The following HYCC1 variants were observed in gnomAD, a reference collection of about 807,000 sequenced individuals.
HYCC1 encodes the protein hyccin PI4KA lipid kinase complex subunit 1, also known as hyccin.
the HYCC1 span, among the ~76,000 whole-genome samples, chr7:23,010,629 TTAAA>T: frequency 2.6e-5 from 4 of 152,184 alleles, no homozygotes; most frequent in Admixed American, 2.0e-4. Flanking sequence ...ATTGTACACT[TTAAA>T]TATATGTAGT....
chr7:22,972,468 A>G, the HYCC1 span, among the ~76,000 whole-genome samples: 1 of 152,184 alleles, frequency 6.6e-6, no homozygotes, highest in South Asian at 2.1e-4. Flanking sequence ...AGAGAATTCA[A>G]CTTAATAGCT....
the HYCC1 span, among the ~76,000 whole-genome samples, chr7:22,921,984 G>GA: frequency 6.6e-6 from 1 of 151,816 alleles, no homozygotes; most frequent in Non-Finnish European, 1.5e-5. Context: ...AGCCTACAGT[G>GA]AAAAAAATCA....
chr7:23,000,348 CA>C, the HYCC1 span, among the ~76,000 whole-genome samples: 1 of 151,730 alleles, frequency 6.6e-6, no homozygotes, highest in Non-Finnish European at 1.5e-5. Context: ...AGATATCAAC[CA>C]AATAATATAT....
chr7:23,003,626 C>G, the HYCC1 span, among the ~76,000 whole-genome samples: 1 of 152,110 alleles, frequency 6.6e-6, no homozygotes. Context: ...AAGTGCTTTC[C>G]TTTTTACAAT....
At chr7:23,013,516 G>A in the HYCC1 span, among the ~76,000 whole-genome samples, 1 of 152,176 alleles carries the variant, frequency 6.6e-6, no homozygotes, top group Non-Finnish European at 1.5e-5. Context: ...AGGGGACGGG[G>A]GGCTCCCGCC....
the HYCC1 span, among the ~76,000 whole-genome samples, chr7:22,921,538 C>A: frequency 7.9e-5 from 12 of 151,486 alleles, no homozygotes; most frequent in Middle Eastern, 3.4e-3. Context: ...AACAATAGCA[C>A]AAAAAAAGGG....
chr7:22,925,048 C>T, the HYCC1 span, among the ~76,000 whole-genome samples: 85 of 152,250 alleles, frequency 5.6e-4, no homozygotes, highest in African/African-American at 1.8e-3. Context: ...CTGCAGCCAC[C>T]GCTGCTGATA....
the HYCC1 span, among the ~76,000 whole-genome samples, chr7:22,997,583 T>C: frequency 6.6e-6 from 1 of 152,208 alleles, no homozygotes; most frequent in Non-Finnish European, 1.5e-5. Flanking sequence ...TGTTACAGAA[T>C]AAAATTAATT....
the HYCC1 span, among the ~76,000 whole-genome samples, chr7:22,989,161 C>T: frequency 1.3e-5 from 2 of 152,084 alleles, no homozygotes; most frequent in African/African-American, 4.8e-5. Context: ...TTTACTTCAT[C>T]ATTAACATAA....
At chr7:22,929,254 G>T in the HYCC1 span, among the ~76,000 whole-genome samples, 1 of 152,084 alleles carries the variant, frequency 6.6e-6, no homozygotes, top group South Asian at 2.1e-4. Flanking sequence ...GAAAACCTAG[G>T]CAATACCATT....
the HYCC1 span, chr7:22,985,672 G>C: frequency 6.6e-6 from 1 of 151,974 alleles, no homozygotes; most frequent in Non-Finnish European, 1.5e-5. Flanking sequence ...TATTTCAAAA[G>C]TATGACACAA....
the HYCC1 span, among the ~76,000 whole-genome samples, chr7:22,978,824 C>T: frequency 1.3e-5 from 2 of 152,112 alleles, no homozygotes; most frequent in Non-Finnish European, 1.5e-5. Flanking sequence ...CCTGGATAAT[C>T]TAAATATTGC....
At chr7:23,005,309 T>C in the HYCC1 span, among the ~76,000 whole-genome samples, 2 of 152,208 alleles carry the variant, frequency 1.3e-5, no homozygotes, top group East Asian at 3.8e-4. Flanking sequence ...GAATGATAGA[T>C]AATAACATCT....
chr7:22,919,860 GA>G, the HYCC1 span, among the ~76,000 whole-genome samples: 1 of 151,178 alleles, frequency 6.6e-6, no homozygotes, highest in South Asian at 2.1e-4. Context: ...TCAGAAGAAG[GA>G]AAAAGAAGAA....
At chr7:23,013,355 A>T in the HYCC1 span, among the ~76,000 whole-genome samples, 1 of 152,168 alleles carries the variant, frequency 6.6e-6, no homozygotes, top group Non-Finnish European at 1.5e-5. Context: ...CCAAAGACCG[A>T]CTCGGGCCAA....
the HYCC1 span, among the ~76,000 whole-genome samples, chr7:22,913,725 T>G: frequency 9.2e-5 from 14 of 152,242 alleles, no homozygotes; most frequent in African/African-American, 2.9e-4. Context: ...CTCCTTTTGC[T>G]GACTCTCTTT....
the HYCC1 span, chr7:23,014,010 G>A: frequency 6.4e-6 from 3 of 470,974 alleles, no homozygotes; most frequent in South Asian, 3.1e-5. Context: ...GCTTCCTCCC[G>A]AGTAGCAGCA....
the HYCC1 span, among the ~76,000 whole-genome samples, chr7:22,993,239 AAC>A: frequency 1.3e-5 from 2 of 152,214 alleles, no homozygotes; most frequent in African/African-American, 2.4e-5. Flanking sequence ...CAAAAATAAA[AAC>A]AGTTTCAGTT....
At chr7:22,959,193 TTAA>T in the HYCC1 span, among the ~76,000 whole-genome samples, 1 of 152,148 alleles carries the variant, frequency 6.6e-6, no homozygotes, top group African/African-American at 2.4e-5. Flanking sequence ...TTGCTACACT[TTAA>T]AAACACCAAA....
Sources: gnomAD v4.1 joint callset for allele counts (sites outside exome capture counted in the v4.1 genomes callset) on GRCh38, gnomAD v4.1.1 for gene constraint, MANE v1.5 for transcripts, NCBI Gene and HGNC (gene_info 2026-07-23, HGNC 2026-07-21) for gene names.